Variants in SDK1 observed in about 807,000 individuals in gnomAD.
SDK1 encodes the protein protein sidekick-1.
Under a neutral mutation model 245.5 loss-of-function variants are expected in SDK1, and 157 were observed. The observed-to-expected ratio is 0.64, with a 90% confidence interval of 0.56 to 0.73. The LOEUF is 0.73. SDK1 is among the 30% of genes least tolerant of loss of function. The probability of loss-of-function intolerance (pLI) is 0.00; values close to 1 mark genes in which losing one functional copy is unlikely to be tolerated. For missense variants in SDK1, 3,583 were observed against 3,002.3 expected, an observed-to-expected ratio of 1.19 and a Z score of -4.52; for synonymous variants, 1,647 against 1,278.5, an observed-to-expected ratio of 1.29 and a Z score of -6.15.
intron 10 of SDK1, 69 bp from the exon 11 acceptor site, chr7:3,969,188 C>G (rs999976460): frequency 2.2e-5 from 31 of 1,395,166 alleles, no homozygotes; most frequent in African/African-American, 7.3e-5. Flanking sequence ...GCTTATGGCT[C>G]TAACCACTAT....
chr7:3,762,042 C>A (rs1235910343), intron 4 of SDK1, among the ~76,000 whole-genome samples: 3 of 152,180 alleles, frequency 2.0e-5, no homozygotes, highest in African/African-American at 7.2e-5. Context: ...CTGAGCATAT[C>A]TTTAACCACA....
intron 1 of SDK1, among the ~76,000 whole-genome samples, chr7:3,522,666 C>G (rs762925588): frequency 6.6e-6 from 1 of 152,144 alleles, no homozygotes; most frequent in African/African-American, 2.4e-5. Flanking sequence ...GTCTTCAAAA[C>G]TGCCAGAGGC....
chr7:3,492,429 G>A (rs114291438), intron 1 of SDK1, among the ~76,000 whole-genome samples: 1 of 152,230 alleles, frequency 6.6e-6, no homozygotes, highest in African/African-American at 2.4e-5. Flanking sequence ...GCAAGGTGGA[G>A]CTTGCGGTGA....
intron 1 of SDK1, among the ~76,000 whole-genome samples, chr7:3,424,091 T>A (rs1423723073): frequency 1.3e-5 from 2 of 152,110 alleles, no homozygotes; most frequent in African/African-American, 4.8e-5. Flanking sequence ...TTTGTATTTT[T>A]AGTAGAGATG....
intron 14 of SDK1, among the ~76,000 whole-genome samples, chr7:4,004,231 C>T (rs1785288115): frequency 6.6e-6 from 1 of 152,158 alleles, no homozygotes; most frequent in Admixed American, 6.5e-5. Flanking sequence ...TAAAATAGAT[C>T]CCAAGGGAGC....
At chr7:4,177,423 G>C (rs1322159938) in intron 34 of SDK1, among the ~76,000 whole-genome samples, 1 of 152,192 alleles carries the variant, frequency 6.6e-6, no homozygotes, top group Non-Finnish European at 1.5e-5. Flanking sequence ...CTGGTGCTTG[G>C]CCCCCTGCCC....
intron 31 of SDK1, 93 bp from the exon 32 acceptor site, chr7:4,161,693 C>T: frequency 9.9e-7 from 1 of 1,009,992 alleles, no homozygotes; most frequent in Admixed American, 1.8e-5. Flanking sequence ...CAGGGCTCAC[C>T]AGCCTCCCCA....
intron 1 of SDK1, among the ~76,000 whole-genome samples, chr7:3,569,618 C>A (rs1220226402): frequency 6.6e-6 from 1 of 152,254 alleles, no homozygotes; most frequent in African/African-American, 2.4e-5. Context: ...GCAATTTTCA[C>A]TTCCAACGTG....
intron 1 of SDK1, among the ~76,000 whole-genome samples, chr7:3,343,601 A>G (rs1010027969): frequency 6.6e-6 from 1 of 152,116 alleles, no homozygotes; most frequent in African/African-American, 2.4e-5. Context: ...AATAATCTGT[A>G]TGTGGTATTG....
chr7:4,212,803 T>G (rs1304811853), intron 38 of SDK1, among the ~76,000 whole-genome samples: 1 of 152,212 alleles, frequency 6.6e-6, no homozygotes, highest in Non-Finnish European at 1.5e-5. Flanking sequence ...TGTGAAAGCT[T>G]CATAGTTCTG....
At chr7:3,757,451 G>A (rs904511467) in intron 4 of SDK1, among the ~76,000 whole-genome samples, 4 of 152,036 alleles carry the variant, frequency 2.6e-5, no homozygotes, top group Non-Finnish European at 4.4e-5. Flanking sequence ...TGCCTAGGCT[G>A]GTCTCAAACT....
chr7:3,740,887 T>C (rs1779458593), intron 4 of SDK1, among the ~76,000 whole-genome samples: 1 of 152,216 alleles, frequency 6.6e-6, no homozygotes, highest in South Asian at 2.1e-4. Flanking sequence ...CTGCCATTCC[T>C]GAGGTCCTTC....
At chr7:3,997,968 G>T (rs979556271) in intron 14 of SDK1, among the ~76,000 whole-genome samples, 1 of 152,238 alleles carries the variant, frequency 6.6e-6, no homozygotes, top group Non-Finnish European at 1.5e-5. Flanking sequence ...AGGGCAGGGG[G>T]TCTTCCTGGG....
chr7:3,683,283 C>A (rs1321246924), intron 4 of SDK1, among the ~76,000 whole-genome samples: 2 of 152,162 alleles, frequency 1.3e-5, no homozygotes, highest in African/African-American at 4.8e-5. Context: ...ATACTATGCA[C>A]TTGCCAAATA....
intron 1 of SDK1, among the ~76,000 whole-genome samples, chr7:3,552,401 C>T (rs1432388076): frequency 1.3e-5 from 2 of 152,146 alleles, no homozygotes; most frequent in African/African-American, 4.8e-5. Flanking sequence ...CCAGTAGATG[C>T]TTGTTGAATG....
chr7:3,881,175 G>T (rs1009745255), intron 5 of SDK1, among the ~76,000 whole-genome samples: 3 of 151,976 alleles, frequency 2.0e-5, no homozygotes, highest in Non-Finnish European at 4.4e-5. Flanking sequence ...GTGCCATGGT[G>T]GTTTGCTACA....
At chr7:4,121,089 TCTGA>T (rs375388575) in intron 25 of SDK1, among the ~76,000 whole-genome samples, 2 of 152,310 alleles carry the variant, frequency 1.3e-5, no homozygotes, top group African/African-American at 4.8e-5. Context: ...GGGTTTTTCT[TCTGA>T]CTTTGTTTTT....
At chr7:4,205,712 C>T (rs1212199800) in intron 35 of SDK1, among the ~76,000 whole-genome samples, 167 bp from the exon 36 acceptor site, 1 of 152,254 alleles carries the variant, frequency 6.6e-6, no homozygotes, top group Non-Finnish European at 1.5e-5. Flanking sequence ...GATCCCAGGA[C>T]ATAACTGTCT....
At chr7:3,451,826 C>A (rs1522504) in intron 1 of SDK1, among the ~76,000 whole-genome samples, 41 of 152,218 alleles carry the variant, frequency 2.7e-4, no homozygotes, top group African/African-American at 8.4e-4. Context: ...TGTACTGGGC[C>A]AATCAAACTA....
Sources: allele counts gnomAD v4.1 joint callset (sites outside exome capture counted in the v4.1 genomes callset), GRCh38; gene constraint gnomAD v4.1.1; transcripts MANE v1.5; gene names NCBI Gene and HGNC (gene_info 2026-07-23, HGNC 2026-07-21).